Variants in FRMD4A observed in about 807,000 individuals in gnomAD.
FRMD4A encodes FERM domain-containing protein 4A.
A neutral mutation model predicts 129.1 loss-of-function variants in FRMD4A; 29 were observed. The ratio of observed to expected loss-of-function variants is 0.22; its 90% CI spans 0.17 to 0.31. The LOEUF is 0.31. FRMD4A is among the 10% of genes least tolerant of loss of function. FRMD4A has a pLI of 1.00. For synonymous variants in FRMD4A, 634 were observed against 571.6 expected, an observed-to-expected ratio of 1.11 and a Z score of -1.56; for missense variants, 1,272 against 1,375.8, an observed-to-expected ratio of 0.92 and a Z score of 1.19.
At chr10:13,874,739 T>A (rs2094472686) in intron 2 of FRMD4A, among the ~76,000 whole-genome samples, 1 of 152,172 alleles carries the variant, frequency 6.6e-6, no homozygotes. Flanking sequence ...ATTTTCCCCA[T>A]CGAAACAAGA....
chr10:13,853,605 G>A (rs962548580), intron 3 of FRMD4A, among the ~76,000 whole-genome samples: 1 of 152,008 alleles, frequency 6.6e-6, no homozygotes, highest in Non-Finnish European at 1.5e-5. Context: ...AGGCTGTTGT[G>A]GGTGGGTCAC....
At chr10:13,659,622 C>T (rs2082469230) in intron 20 of FRMD4A, 132 bp from the exon 21 acceptor site, 4 of 840,866 alleles carry the variant, frequency 4.8e-6, no homozygotes, top group South Asian at 1.7e-5. Context: ...CTTGGTCAGA[C>T]CTCTACTGTG....
At chr10:14,313,183 T>G (rs1249352655) in intron 2 of FRMD4A, among the ~76,000 whole-genome samples, 1 of 121,180 alleles carries the variant, frequency 8.3e-6, no homozygotes, top group Non-Finnish European at 1.7e-5. Context: ...TGAGACCTCA[T>G]TTCTACCAAA....
chr10:14,008,486 T>C (rs1555012704), intron 2 of FRMD4A: 1 of 993,764 alleles, frequency 1.0e-6, no homozygotes, highest in Non-Finnish European at 1.2e-6. Flanking sequence ...GTGACGCGTC[T>C]GGGGAGAGTG....
intron 2 of FRMD4A, among the ~76,000 whole-genome samples, chr10:14,179,343 T>G (rs1036856702): frequency 5.3e-5 from 8 of 152,198 alleles, no homozygotes; most frequent in African/African-American, 1.9e-4. Context: ...TCACCACTCT[T>G]TACTATTTAG....
intron 24 of FRMD4A, chr10:13,649,593 T>C (rs1477168724): frequency 6.6e-6 from 1 of 152,262 alleles, no homozygotes; most frequent in Non-Finnish European, 1.5e-5. Flanking sequence ...AAACTTGCGA[T>C]GTTTTATACA....
At chr10:14,285,181 C>A (rs942570486) in intron 2 of FRMD4A, among the ~76,000 whole-genome samples, 1 of 152,178 alleles carries the variant, frequency 6.6e-6, no homozygotes, top group Admixed American at 6.5e-5. Flanking sequence ...CACCGCTTCC[C>A]AGCGTGATAA....
rs756462174 is a variant in FRMD4A, at chr10:13,760,357, TA to T, written c.464+1289del. ...AGTGAGAGCTCATCTCTACAAAAAATAAAATAAAATAATTAGCCCGGTGCAG... is the reference window on the plus strand; with the variant it reads ...AGTGAGAGCTCATCTCTACAAAAAATAAATAAAATAATTAGCCCGGTGCAG... On this transcript the variant is annotated intron_variant, in intron 8 of 24. Transcript: ENST00000357447. Among the ~76,000 whole-genome samples the T allele has an allele frequency of 3.8e-3, 574 of 151,892 alleles. 5 individuals are homozygous for T. The highest frequency in any genetic ancestry group is 3.7e-3 in the Non-Finnish European group (248 of 67,944).
intron 16 of FRMD4A, among the ~76,000 whole-genome samples, chr10:13,673,656 A>C (rs535723815): frequency 6.2e-4 from 95 of 152,316 alleles, no homozygotes; most frequent in Admixed American, 1.6e-3. Flanking sequence ...ACTTCTAACA[A>C]ATAGTCATGA....
chr10:14,278,731 C>T (rs1202788660), intron 2 of FRMD4A, among the ~76,000 whole-genome samples: 2 of 152,176 alleles, frequency 1.3e-5, no homozygotes, highest in Non-Finnish European at 2.9e-5. Context: ...GAGAAAGAGG[C>T]TGTGCACACT....
At position 14,140,655 on chromosome 10, in the gene FRMD4A, T is replaced by G. The variant is rs1402601555; in HGVS notation, c.45+189403A>C. On this transcript the variant is annotated intron_variant, in intron 2 of 24. Coordinates refer to ENST00000357447, the MANE Select transcript of FRMD4A (RefSeq NM_018027.5). ...ATTCATGTGCATTCTGAAATGTTGG[T>G]GGCTCCAAAGTTTTCTCCTTAGACC... Among the ~76,000 whole-genome samples the G allele has an allele frequency of 2.0e-5, 3 of 152,188 alleles. No homozygotes were observed. The East Asian group carries it at 5.8e-4, about 29-fold the overall frequency.
At chr10:14,326,895 C>G (rs1187127022) in intron 2 of FRMD4A, 1 of 398,582 alleles carries the variant, frequency 2.5e-6, no homozygotes, top group Admixed American at 4.4e-5. Context: ...GGAGAGGCAG[C>G]TTTTCAACAG....
At chr10:13,990,349 G>A (rs751638449) in intron 2 of FRMD4A, among the ~76,000 whole-genome samples, 22 of 152,180 alleles carry the variant, frequency 1.4e-4, no homozygotes, top group Non-Finnish European at 2.6e-4. Context: ...GGGAATGTGG[G>A]ACAAGGAGGG....
intron 2 of FRMD4A, among the ~76,000 whole-genome samples, chr10:14,039,368 G>GTCCGTCCGTCCGTCCGTCCGTCCGTCCA (rs554051462): frequency 3.3e-4 from 36 of 109,510 alleles, no homozygotes; most frequent in African/African-American, 1.5e-3. Flanking sequence ...CTGTCCGTCC[G>GTCCGTCCGTCCGTCCGTCCGTCCGTCCA]TCCATCCATC....
intron 2 of FRMD4A, among the ~76,000 whole-genome samples, chr10:14,248,704 C>G (rs563453470): frequency 2.4e-4 from 37 of 152,320 alleles, no homozygotes; most frequent in Non-Finnish European, 4.9e-4. Context: ...TTTACAATGG[C>G]CTCCAATGCT....
intron 2 of FRMD4A, among the ~76,000 whole-genome samples, chr10:13,860,465 G>A (rs1388572795): frequency 6.6e-6 from 1 of 152,200 alleles, no homozygotes; most frequent in Non-Finnish European, 1.5e-5. Context: ...CTCTGGACCA[G>A]ATGACACATA....
chr10:14,305,470 A>G (rs1357539838), intron 2 of FRMD4A, among the ~76,000 whole-genome samples: 1 of 152,220 alleles, frequency 6.6e-6, no homozygotes, highest in Non-Finnish European at 1.5e-5. Flanking sequence ...TGGAATCTAC[A>G]AAGTTCTCAT....
intron 12 of FRMD4A, among the ~76,000 whole-genome samples, chr10:13,712,760 G>C (rs187705503): frequency 7.0e-4 from 106 of 152,318 alleles, no homozygotes; most frequent in Admixed American, 1.4e-3. Flanking sequence ...GAAAACAGGA[G>C]GTGGGAAACA....
chr10:14,309,149 G>A (rs544150777), intron 2 of FRMD4A, among the ~76,000 whole-genome samples: 15 of 152,194 alleles, frequency 9.9e-5, no homozygotes, highest in Non-Finnish European at 1.8e-4. Flanking sequence ...AACATCGCCT[G>A]TTAAAAATCG....
Sources: gnomAD v4.1 joint callset for allele counts (sites outside exome capture counted in the v4.1 genomes callset) on GRCh38, gnomAD v4.1.1 for gene constraint, MANE v1.5 for transcripts, NCBI Gene and HGNC (gene_info 2026-07-23, HGNC 2026-07-21) for gene names.